The following WDPCP variants were observed in gnomAD, a reference collection of about 807,000 sequenced individuals.
The protein encoded by WDPCP is WD repeat containing planar cell polarity effector, also known as WD repeat-containing and planar cell polarity effector protein fritz homolog.
WDPCP carries 71 observed loss-of-function variants against 93.1 expected under a neutral mutation model. That is an observed-to-expected ratio of 0.76 (90% CI 0.63 to 0.93). The LOEUF (loss-of-function observed/expected upper bound fraction) is 0.93, where lower values mean the gene tolerates loss of function less well. WDPCP is among the 40% of genes least tolerant of loss of function. WDPCP has a pLI of 0.00. For missense variants in WDPCP, 844 were observed against 887.4 expected, an observed-to-expected ratio of 0.95 and a Z score of 0.62; for synonymous variants, 315 against 315.0, an observed-to-expected ratio of 1.00 and a Z score of 0.00.
At chr2:63,183,025 GTCT>G (rs1674370797) in intron 14 of WDPCP, among the ~76,000 whole-genome samples, 1 of 151,610 alleles carries the variant, frequency 6.6e-6, no homozygotes, top group East Asian at 1.9e-4. Context: ...TGGATCTTCT[GTCT>G]TCTTTTCTTG....
chr2:63,589,646 T>A (rs1709121979), upstream of WDPCP, among the ~76,000 whole-genome samples: 1 of 152,226 alleles, frequency 6.6e-6, no homozygotes, highest in Non-Finnish European at 1.5e-5. Flanking sequence ...ACTAACTAAA[T>A]AACTACTGCA....
At chr2:63,605,389 C>T (rs766853374) in intron 3 of WDPCP, 1 of 1,609,416 alleles carries the variant, frequency 6.2e-7, no homozygotes, top group Non-Finnish European at 8.5e-7. Context: ...TTTGGAACCC[C>T]AGAGGTAAGG....
At chr2:63,261,307 A>C (rs1681613908) in intron 13 of WDPCP, among the ~76,000 whole-genome samples, 1 of 152,060 alleles carries the variant, frequency 6.6e-6, no homozygotes, top group Non-Finnish European at 1.5e-5. Context: ...TACATATTCC[A>C]AAATCCATTT....
At chr2:63,336,813 A>G (rs1041085411) in intron 12 of WDPCP, among the ~76,000 whole-genome samples, 1 of 148,648 alleles carries the variant, frequency 6.7e-6, no homozygotes, top group Admixed American at 6.7e-5. Flanking sequence ...ATTTATATAT[A>G]TATTTTTCCC....
chr2:63,396,786 G>A (rs1693762092), intron 10 of WDPCP, among the ~76,000 whole-genome samples: 1 of 152,080 alleles, frequency 6.6e-6, no homozygotes, highest in African/African-American at 2.4e-5. Context: ...GTACCCAATA[G>A]TTACCTTTTC....
At chr2:63,354,708 A>ATGTG (rs1553359995) in intron 12 of WDPCP, among the ~76,000 whole-genome samples, 2 of 144,342 alleles carry the variant, frequency 1.4e-5, no homozygotes, top group African/African-American at 5.1e-5. Flanking sequence ...ATGTATGTAT[A>ATGTG]TATGTATGTG....
At chr2:63,795,923 A>G (rs1429940432) in intron 2 of WDPCP, among the ~76,000 whole-genome samples, 2 of 152,192 alleles carry the variant, frequency 1.3e-5, no homozygotes, top group Non-Finnish European at 2.9e-5. Flanking sequence ...CTATGTGTCC[A>G]TGTGCATCAG....
At chr2:63,301,053 G>T (rs1270468135) in intron 13 of WDPCP, among the ~76,000 whole-genome samples, 1 of 152,176 alleles carries the variant, frequency 6.6e-6, no homozygotes, top group East Asian at 1.9e-4. Context: ...TCTGCCCTTG[G>T]TCTAGAGAGC....
intron 6 of WDPCP, among the ~76,000 whole-genome samples, chr2:63,476,274 C>T (rs1030249654): frequency 2.0e-5 from 3 of 152,102 alleles, no homozygotes; most frequent in African/African-American, 7.2e-5. Context: ...AAGTCCCCGA[C>T]GAGGAAGTTC....
At position 63,275,005 on chromosome 2, in the gene WDPCP, TAGGCCAAAAACCTAC is replaced by T. The variant is rs1327284004; in HGVS notation, c.1813-15611_1813-15597del. On this transcript the variant is annotated intron_variant, in intron 13 of 17. Transcript: ENST00000272321. ...AGGATATGACAAAGAAAAAAACCTA[TAGGCCAAAAACCTAC>T]GGGCCAATATACCTGATGAACACAG... Among the ~76,000 whole-genome samples, 11 of 152,034 alleles carry T rather than the reference TAGGCCAAAAACCTAC, an allele frequency of 7.2e-5. No homozygotes were observed. In the East Asian group the frequency reaches 2.1e-3, roughly 29 times the overall value.
intron 1 of WDPCP, among the ~76,000 whole-genome samples, chr2:63,525,235 G>C (rs1293213777): frequency 6.6e-6 from 1 of 152,116 alleles, no homozygotes; most frequent in East Asian, 1.9e-4. Context: ...ACAGACCCAA[G>C]GCCTACCTGA....
At chr2:63,725,879 A>C (rs1315850279) in intron 2 of WDPCP, among the ~76,000 whole-genome samples, 1 of 151,830 alleles carries the variant, frequency 6.6e-6, no homozygotes, top group Non-Finnish European at 1.5e-5. Flanking sequence ...GTCATTTGCT[A>C]ATTTTAATGG....
At chr2:63,178,105 C>T (rs1157643039) in intron 14 of WDPCP, among the ~76,000 whole-genome samples, 1 of 152,064 alleles carries the variant, frequency 6.6e-6, no homozygotes, top group Non-Finnish European at 1.5e-5. Context: ...TTTACTATGC[C>T]TAAGAATTTC....
intron 2 of WDPCP, among the ~76,000 whole-genome samples, chr2:63,716,602 T>G (rs1669340808): frequency 6.6e-6 from 1 of 152,136 alleles, no homozygotes; most frequent in South Asian, 2.1e-4. Context: ...TTGCTATCAT[T>G]TTATATAGGG....
intron 2 of WDPCP, among the ~76,000 whole-genome samples, chr2:63,720,986 A>G (rs1240309732): frequency 6.6e-6 from 1 of 152,224 alleles, no homozygotes; most frequent in East Asian, 1.9e-4. Context: ...CTGAAATGTC[A>G]ATAGCAAAGT....
At chr2:63,557,102 TACA>T (rs1168809663) in intron 1 of WDPCP, among the ~76,000 whole-genome samples, 3 of 152,118 alleles carry the variant, frequency 2.0e-5, no homozygotes, top group Non-Finnish European at 2.9e-5. Context: ...ATGAAGCAAC[TACA>T]ACATGTCTGC....
intron 1 of WDPCP, among the ~76,000 whole-genome samples, chr2:63,533,441 T>C (rs1015826743): frequency 3.0e-4 from 45 of 152,244 alleles, no homozygotes; most frequent in African/African-American, 5.1e-4. Context: ...TATTCCAAAA[T>C]TGACCCACAT....
intron 1 of WDPCP, among the ~76,000 whole-genome samples, chr2:63,530,474 TG>T (rs370757500): frequency 6.6e-6 from 1 of 151,694 alleles, no homozygotes; most frequent in African/African-American, 2.4e-5. Flanking sequence ...ATAAAAGACT[TG>T]GGTTTCTTAA....
intron 1 of WDPCP, among the ~76,000 whole-genome samples, chr2:63,502,445 T>A (rs1701616156): frequency 6.6e-6 from 1 of 152,208 alleles, no homozygotes; most frequent in East Asian, 1.9e-4. Context: ...ACCCAAAACA[T>A]GACTGTACTT....
Sources: allele counts gnomAD v4.1 joint callset (sites outside exome capture counted in the v4.1 genomes callset), GRCh38; gene constraint gnomAD v4.1.1; transcripts MANE v1.5; gene names NCBI Gene and HGNC (gene_info 2026-07-23, HGNC 2026-07-21).